Variants in LRMDA observed in about 807,000 individuals in gnomAD.
LRMDA encodes leucine rich melanocyte differentiation associated, also known as leucine-rich melanocyte differentiation-associated protein.
Under a neutral mutation model 29.8 loss-of-function variants are expected in LRMDA, and 18 were observed. The ratio of observed to expected loss-of-function variants is 0.60; its 90% CI spans 0.42 to 0.90. The LOEUF (loss-of-function observed/expected upper bound fraction) is 0.90, where lower values mean the gene tolerates loss of function less well. Among genes scored for constraint, LRMDA ranks in the 40% least tolerant of loss-of-function variants. The pLI is 0.00. For missense variants in LRMDA, 273 were observed against 273.9 expected, an observed-to-expected ratio of 1.00 and a Z score of 0.02; for synonymous variants, 125 against 109.4, an observed-to-expected ratio of 1.14 and a Z score of -0.89.
intron 2 of LRMDA, among the ~76,000 whole-genome samples, chr10:75,684,639 G>A (rs370209068): frequency 1.3e-5 from 2 of 152,232 alleles, no homozygotes; most frequent in African/African-American, 4.8e-5. Context: ...CTTCAGACAA[G>A]TCTAACTTTG....
intron 5 of LRMDA, among the ~76,000 whole-genome samples, chr10:76,061,915 G>A (rs918460356): frequency 2.0e-5 from 3 of 152,158 alleles, no homozygotes; most frequent in Non-Finnish European, 2.9e-5. Flanking sequence ...AAAGAAAGAC[G>A]CCAAATGAGC....
rs1186638379 is a variant in LRMDA, at chr10:75,974,743, A to G, written c.132-61265A>G. On this transcript the variant is annotated intron_variant, in intron 2 of 6. Coordinates refer to ENST00000611255, the MANE Select transcript of LRMDA (RefSeq NM_001305581.2). ...ACAGAGATTCAAAAGGAAGGATTCT[A>G]TGCTCCTAACTGCCATCCTGTCCCC... is the stretch of plus-strand genomic sequence containing the variant. 3.3e-5 allele frequency among the ~76,000 whole-genome samples: 5 copies of G among 152,204 alleles called. No individual in the cohort carries two copies. The South Asian group carries it at 6.2e-4, about 19-fold the overall frequency.
At chr10:75,986,245 T>C (rs986302812) in intron 2 of LRMDA, among the ~76,000 whole-genome samples, 2 of 152,206 alleles carry the variant, frequency 1.3e-5, no homozygotes, top group Non-Finnish European at 2.9e-5. Context: ...ATGGGTAATA[T>C]AACAACTACA....
intron 5 of LRMDA, among the ~76,000 whole-genome samples, chr10:76,236,899 T>C (rs971328598): frequency 6.6e-6 from 1 of 152,264 alleles, no homozygotes; most frequent in African/African-American, 2.4e-5. Flanking sequence ...CAGCAGCAAC[T>C]ATAATTTCAA....
chr10:75,537,602 G>A (rs1330866384), intron 2 of LRMDA, among the ~76,000 whole-genome samples: 5 of 152,206 alleles, frequency 3.3e-5, no homozygotes, highest in Admixed American at 1.3e-4. Flanking sequence ...CCGTAAGGAT[G>A]GAAGTTCAGA....
chr10:75,957,724 G>T (rs1360890430), intron 2 of LRMDA, among the ~76,000 whole-genome samples: 1 of 152,172 alleles, frequency 6.6e-6, no homozygotes, highest in Non-Finnish European at 1.5e-5. Context: ...TCATTTTCTT[G>T]AAAGTGCATG....
intron 6 of LRMDA, among the ~76,000 whole-genome samples, chr10:76,491,115 T>C (rs888181443): frequency 2.0e-5 from 3 of 151,974 alleles, no homozygotes; most frequent in African/African-American, 7.2e-5. Context: ...TCTATGTATA[T>C]TGTATTATAA....
intron 2 of LRMDA, among the ~76,000 whole-genome samples, chr10:75,617,500 T>G (rs1479443721): frequency 1.3e-5 from 2 of 152,208 alleles, no homozygotes; most frequent in Non-Finnish European, 2.9e-5. Context: ...GTGCACTGCT[T>G]TTATTATGCT....
chr10:75,968,980 A>G (rs948262645), intron 2 of LRMDA, among the ~76,000 whole-genome samples: 1 of 135,042 alleles, frequency 7.4e-6, no homozygotes, highest in African/African-American at 2.5e-5. Context: ...AAAAATAACC[A>G]TTAAACAATT....
At chr10:75,701,434 C>T (rs1180748467) in intron 2 of LRMDA, among the ~76,000 whole-genome samples, 1 of 152,218 alleles carries the variant, frequency 6.6e-6, no homozygotes, top group African/African-American at 2.4e-5. Context: ...TAGCTTCAGT[C>T]TCCTTTCTGA....
chr10:76,177,117 G>GT (rs1348566620), intron 5 of LRMDA, among the ~76,000 whole-genome samples: 1 of 152,176 alleles, frequency 6.6e-6, no homozygotes, highest in Admixed American at 6.5e-5. Context: ...ACAGGGCTGC[G>GT]TATCATTGGA....
At chr10:76,464,725 G>A (rs1304861452) in intron 6 of LRMDA, 1 of 152,170 alleles carries the variant, frequency 6.6e-6, no homozygotes, top group East Asian at 1.9e-4. Context: ...CATTTTTTGA[G>A]TTAGAAATCT....
intron 5 of LRMDA, among the ~76,000 whole-genome samples, chr10:76,297,151 A>G (rs750090250): frequency 2.6e-5 from 4 of 152,258 alleles, no homozygotes; most frequent in Non-Finnish European, 4.4e-5. Context: ...ATGTTGCAAT[A>G]AATGTTATCT....
intron 2 of LRMDA, among the ~76,000 whole-genome samples, chr10:75,660,816 A>T (rs1564533530): frequency 6.6e-6 from 1 of 152,016 alleles, no homozygotes; most frequent in Non-Finnish European, 1.5e-5. Flanking sequence ...GAAAGAAAAA[A>T]ACCCTTTTCC....
intron 5 of LRMDA, among the ~76,000 whole-genome samples, chr10:76,105,193 A>C (rs2132107028): frequency 6.6e-6 from 1 of 152,204 alleles, no homozygotes; most frequent in East Asian, 1.9e-4. Context: ...CATTTGACTT[A>C]TATATTTATT....
intron 2 of LRMDA, among the ~76,000 whole-genome samples, chr10:75,848,963 G>T (rs1457828159): frequency 6.6e-6 from 1 of 152,204 alleles, no homozygotes; most frequent in Non-Finnish European, 1.5e-5. Flanking sequence ...TATTGGGTTT[G>T]ACCAATGGGA....
At chr10:75,606,873 G>A (rs915486385) in intron 2 of LRMDA, among the ~76,000 whole-genome samples, 3 of 152,172 alleles carry the variant, frequency 2.0e-5, no homozygotes, top group African/African-American at 7.2e-5. Context: ...GCAACCTCTG[G>A]CCATCCCTGC....
chr10:75,949,804 G>A (rs1275842736), intron 2 of LRMDA, among the ~76,000 whole-genome samples: 1 of 152,128 alleles, frequency 6.6e-6, no homozygotes, highest in Non-Finnish European at 1.5e-5. Context: ...CAGGTACTGT[G>A]TACCAAGAGC....
chr10:76,322,160 G>T (rs187921749), intron 5 of LRMDA, among the ~76,000 whole-genome samples: 1 of 152,314 alleles, frequency 6.6e-6, no homozygotes, highest in Admixed American at 6.5e-5. Context: ...TTCTTTGGCA[G>T]ATACAGTATA....
Sources: allele counts gnomAD v4.1 joint callset (sites outside exome capture counted in the v4.1 genomes callset), GRCh38; gene constraint gnomAD v4.1.1; transcripts MANE v1.5; gene names NCBI Gene and HGNC (gene_info 2026-07-23, HGNC 2026-07-21).